Variants in RNF32 observed in about 807,000 individuals in gnomAD.
The protein encoded by RNF32 is ring finger protein 32.
RNF32 carries 36 observed loss-of-function variants against 41.0 expected under a neutral mutation model. That is an observed-to-expected ratio of 0.88 (90% CI 0.67 to 1.16). RNF32 has a LOEUF of 1.16. Ranked by LOEUF, RNF32 falls within the 50% of genes most tolerant of loss-of-function variation. The probability of loss-of-function intolerance (pLI) is 0.00; values close to 1 mark genes in which losing one functional copy is unlikely to be tolerated. For synonymous variants in RNF32, 154 were observed against 160.9 expected (o/e 0.96, Z 0.32); for missense variants, 413 against 436.7 (o/e 0.95, Z 0.48).
chr7:156,656,369 G>T (rs190740086), intron 4 of RNF32, among the ~76,000 whole-genome samples: 1 of 152,124 alleles, frequency 6.6e-6, no homozygotes, highest in Admixed American at 6.5e-5. Context: ...ATATACTGAC[G>T]TCTAATGTTG....
intron 7 of RNF32, among the ~76,000 whole-genome samples, chr7:156,663,225 T>C (rs908325713): frequency 1.3e-5 from 2 of 152,212 alleles, no homozygotes; most frequent in African/African-American, 2.4e-5. Context: ...TAAAAACACA[T>C]TGTTTTAGAG....
intron 7 of RNF32, chr7:156,659,564 A>AT (rs1328064726): frequency 5.1e-6 from 5 of 979,282 alleles, no homozygotes; most frequent in South Asian, 4.7e-5. Context: ...ATCAGAAGTG[A>AT]TTTTTTGTCA....
At chr7:156,671,792 C>A (rs761400179) in intron 7 of RNF32, among the ~76,000 whole-genome samples, 1 of 152,046 alleles carries the variant, frequency 6.6e-6, no homozygotes, top group African/African-American at 2.4e-5. Flanking sequence ...AAACTTAAGT[C>A]GTGTAGAGTA....
intron 3 of RNF32, among the ~76,000 whole-genome samples, chr7:156,651,263 G>C (rs949264748): frequency 6.7e-6 from 1 of 149,580 alleles, no homozygotes; most frequent in Non-Finnish European, 1.5e-5. Flanking sequence ...GCCCAGGCTG[G>C]AGTGCGGTGG....
At chr7:156,646,032 G>T (rs1367032607) in intron 3 of RNF32, among the ~76,000 whole-genome samples, 1 of 152,148 alleles carries the variant, frequency 6.6e-6, no homozygotes, top group Non-Finnish European at 1.5e-5. Context: ...TGATAGGTGG[G>T]ATGCATATAG....
chr7:156,653,302 C>G (rs901644893), intron 3 of RNF32, among the ~76,000 whole-genome samples: 1 of 152,222 alleles, frequency 6.6e-6, no homozygotes, highest in Non-Finnish European at 1.5e-5. Context: ...GTCTAATCAG[C>G]TGTACCGTGT....
At chr7:156,668,654 G>A (rs75590409) in intron 7 of RNF32, among the ~76,000 whole-genome samples, 4,245 of 152,264 alleles carry the variant, frequency 0.028, 204 homozygotes, top group African/African-American at 0.097. Flanking sequence ...CGTGTCTCCC[G>A]GAGTCCAGTG....
intron 3 of RNF32, among the ~76,000 whole-genome samples, chr7:156,648,039 T>TC (rs1305602696): frequency 6.6e-6 from 1 of 151,952 alleles, no homozygotes; most frequent in East Asian, 1.9e-4. Context: ...GTTTTTTTTT[T>TC]TTCTTGCTGA....
chr7:156,660,695 G>A (rs115239322), intron 7 of RNF32, among the ~76,000 whole-genome samples: 2,806 of 152,234 alleles, frequency 0.018, 87 homozygotes, highest in African/African-American at 0.065. Context: ...TATCTTCTAA[G>A]CAATGTTGAC....
At chr7:156,675,557 A>G (rs920635654) in intron 7 of RNF32, 139 bp from the exon 8 acceptor site, 9 of 661,200 alleles carry the variant, frequency 1.4e-5, no homozygotes, top group African/African-American at 3.7e-5. Context: ...AAATAGACAT[A>G]TATCTATTTC....
intron 7 of RNF32, among the ~76,000 whole-genome samples, chr7:156,673,648 A>C (rs1175066272): frequency 6.6e-6 from 1 of 151,894 alleles, no homozygotes; most frequent in Non-Finnish European, 1.5e-5. Context: ...TCAAACCCCA[A>C]CCCTTGTGGA....
intron 7 of RNF32, among the ~76,000 whole-genome samples, chr7:156,672,417 G>A (rs1802751985): frequency 6.6e-6 from 1 of 152,180 alleles, no homozygotes; most frequent in Non-Finnish European, 1.5e-5. Context: ...GCAGAAGGAG[G>A]CAATAGGTGA....
At position 156,676,604 on chromosome 7, in the gene RNF32, T is replaced by C; in HGVS notation, c.1038T>C (p.His346=). The C allele has an allele frequency of 2.5e-6, 4 of 1,614,178 alleles. No homozygotes were observed. The highest frequency in any genetic ancestry group is 4.5e-5 in the East Asian group (2 of 44,888). ...CCGTGGGAGACAGGCCTCCTTTCCATGCCTGTCCTCTCTGCCGCTCCTGCT... is the reference window on the plus strand; with the variant it reads ...CCGTGGGAGACAGGCCTCCTTTCCACGCCTGTCCTCTCTGCCGCTCCTGCT... ...EFSVGDRPPF[H]ACPLCRSCYQ... is the part of the protein sequence containing the mutation. The change falls in exon 9 of 9, where the codon CAT becomes CAC. Residue 346 remains histidine (H), a synonymous_variant. Coordinates refer to ENST00000317955, the MANE Select transcript of RNF32 (RefSeq NM_030936.4).
chr7:156,672,807 G>T (rs536822511), intron 7 of RNF32, among the ~76,000 whole-genome samples: 1 of 152,246 alleles, frequency 6.6e-6, no homozygotes, highest in South Asian at 2.1e-4. Context: ...CGATACCCAT[G>T]CTTGGAGTTG....
chr7:156,663,448 T>G (rs1026932184), intron 7 of RNF32, among the ~76,000 whole-genome samples: 1 of 152,090 alleles, frequency 6.6e-6, no homozygotes, highest in Non-Finnish European at 1.5e-5. Context: ...AAGAAAAAAT[T>G]TTTTCTGATG....
At chr7:156,652,954 A>G (rs1056051773) in intron 3 of RNF32, among the ~76,000 whole-genome samples, 1 of 152,184 alleles carries the variant, frequency 6.6e-6, no homozygotes, top group Non-Finnish European at 1.5e-5. Context: ...TTTAGAGAGT[A>G]AAAAAGTTAT....
intron 7 of RNF32, 143 bp downstream of exon 7, chr7:156,658,713 A>G: frequency 1.3e-6 from 1 of 763,866 alleles, no homozygotes. Context: ...TGCTGCTAAA[A>G]ATCCTGTTTA....
chr7:156,643,913 A>G (rs780504488), intron 2 of RNF32, 21 bp downstream of exon 2: 3 of 1,597,744 alleles, frequency 1.9e-6, no homozygotes, highest in Non-Finnish European at 1.7e-6. Context: ...CTTTTCTTAA[A>G]CATACACGTT....
At chr7:156,642,960 A>G (rs1352152164) in intron 1 of RNF32, 1 of 152,196 alleles carries the variant, frequency 6.6e-6, no homozygotes, top group Non-Finnish European at 1.5e-5. Flanking sequence ...ATAACTTTCT[A>G]TTTCTCCTCA....
Sources: allele counts gnomAD v4.1 joint callset (sites outside exome capture counted in the v4.1 genomes callset), GRCh38; gene constraint gnomAD v4.1.1; transcripts MANE v1.5; gene names NCBI Gene and HGNC (gene_info 2026-07-23, HGNC 2026-07-21).